The following GNAI1 variants were observed in gnomAD, a reference collection of about 807,000 sequenced individuals.
GNAI1 encodes the protein guanine nucleotide-binding protein G(i) subunit alpha-1.
GNAI1 carries 11 observed loss-of-function variants against 38.9 expected under a neutral mutation model. That is an observed-to-expected ratio of 0.28 (90% CI 0.18 to 0.47). The LOEUF (loss-of-function observed/expected upper bound fraction) is 0.47. Ranked by LOEUF, GNAI1 falls within the 20% of genes least tolerant of loss-of-function variation. The pLI is 0.99. For synonymous variants in GNAI1, 166 were observed against 145.1 expected (o/e 1.14, Z -1.04); for missense variants, 317 against 436.9 (o/e 0.73, Z 2.45).
intron 5 of GNAI1, among the ~76,000 whole-genome samples, chr7:80,204,912 T>TA (rs1788747632): frequency 4.0e-5 from 5 of 125,478 alleles, no homozygotes; most frequent in Non-Finnish European, 8.4e-5. Flanking sequence ...TACTTGATGT[T>TA]AAAAAAATAT....
chr7:80,209,961 A>C (rs1323711361), intron 5 of GNAI1, among the ~76,000 whole-genome samples: 1 of 152,208 alleles, frequency 6.6e-6, no homozygotes, highest in Non-Finnish European at 1.5e-5. Context: ...TTAAGTGATC[A>C]TAAAAGTAAC....
rs370483702 is a variant in GNAI1, at chr7:80,146,545, C to T, written c.118+11267C>T. Among the ~76,000 whole-genome samples the T allele has an allele frequency of 2.2e-4, 33 of 151,952 alleles. No homozygotes were observed. The South Asian group carries it at 6.7e-3, about 31-fold the overall frequency. ...GTGCTGACCTTATTTTTTTAGAGCT[C>T]GTTCTTTTTAAAGTTAAACTTTACT... On this transcript the variant is annotated intron_variant, in intron 1 of 7. Coordinates refer to ENST00000649796, the MANE Select transcript of GNAI1 (RefSeq NM_002069.6).
chr7:80,210,473 A>G (rs1042353764), intron 5 of GNAI1, among the ~76,000 whole-genome samples: 1 of 152,088 alleles, frequency 6.6e-6, no homozygotes, highest in African/African-American at 2.4e-5. Flanking sequence ...TCTTCTTTAC[A>G]TCAAAGCCTT....
intron 1 of GNAI1, among the ~76,000 whole-genome samples, chr7:80,179,382 A>G (rs1372070732): frequency 1.3e-5 from 2 of 152,142 alleles, no homozygotes; most frequent in Admixed American, 1.3e-4. Flanking sequence ...TTTCTAACCA[A>G]ATCCTCAGGT....
At position 80,223,991 on chromosome 7, in the gene GNAI1, G is replaced by A. The variant is rs1274951511; in HGVS notation, c.*6498G>A. 6.6e-6 allele frequency among the ~76,000 whole-genome samples: 1 copy of A among 152,104 alleles called. No homozygotes were observed. The highest frequency in any genetic ancestry group is 2.4e-5 in the African/African-American group (1 of 41,418). ...GGCATAAGGAAAGCCAGTAAAAAGT[G>A]CCCTTTCTTCTTTCTGAGAGCCCCA... On this transcript the variant is annotated 3_prime_UTR_variant, in exon 8 of 8. Coordinates refer to ENST00000649796, the MANE Select transcript of GNAI1 (RefSeq NM_002069.6).
chr7:80,176,829 C>T (rs982162850), intron 1 of GNAI1, among the ~76,000 whole-genome samples: 5 of 148,836 alleles, frequency 3.4e-5, no homozygotes, highest in African/African-American at 1.2e-4. Context: ...CCCAGCTACT[C>T]GGGAGGCTGA....
chr7:80,163,602 T>G (rs532980419), intron 1 of GNAI1, among the ~76,000 whole-genome samples: 1 of 152,340 alleles, frequency 6.6e-6, no homozygotes, highest in African/African-American at 2.4e-5. Flanking sequence ...TGAAGATAGT[T>G]TTAGCCCATT....
intron 1 of GNAI1, among the ~76,000 whole-genome samples, chr7:80,141,000 A>C (rs1235145716): frequency 6.6e-6 from 1 of 152,154 alleles, no homozygotes; most frequent in Non-Finnish European, 1.5e-5. Flanking sequence ...CTCATGTGGC[A>C]TCACTCTCCT....
chr7:80,206,726 A>AC (rs1218743479), intron 5 of GNAI1, among the ~76,000 whole-genome samples: 2 of 151,816 alleles, frequency 1.3e-5, no homozygotes, highest in African/African-American at 2.4e-5. Context: ...ACGTTCCAAG[A>AC]CCCCCCATAT....
At chr7:80,148,093 G>C (rs1787659655) in intron 1 of GNAI1, among the ~76,000 whole-genome samples, 1 of 152,042 alleles carries the variant, frequency 6.6e-6, no homozygotes, top group Non-Finnish European at 1.5e-5. Context: ...TGTCTTGATA[G>C]GCCTTTGTAG....
intron 1 of GNAI1, among the ~76,000 whole-genome samples, chr7:80,164,742 A>G (rs1787984630): frequency 6.6e-6 from 1 of 152,136 alleles, no homozygotes; most frequent in Non-Finnish European, 1.5e-5. Context: ...GCATTTATCC[A>G]TCTCTGCTCT....
intron 7 of GNAI1, 76 bp from the exon 8 acceptor site, chr7:80,217,227 T>TATGAAACTGACTTCAGTTTCATAGGG: frequency 2.1e-6 from 2 of 966,654 alleles, no homozygotes; most frequent in Non-Finnish European, 3.1e-6. Context: ...GTTTCATATG[T>TATGAAACTGACTTCAGTTTCATAGGG]ATGAAACTGA....
chr7:80,211,313 A>G (rs1266282455), intron 6 of GNAI1, among the ~76,000 whole-genome samples: 1 of 152,250 alleles, frequency 6.6e-6, no homozygotes, highest in Non-Finnish European at 1.5e-5. Context: ...TGTAAGCTTA[A>G]CTATGCATTT....
At chr7:80,135,316 G>A (rs1177829232) in intron 1 of GNAI1, 38 bp downstream of exon 1, 7 of 1,228,858 alleles carry the variant, frequency 5.7e-6, no homozygotes, top group Admixed American at 3.4e-5. Flanking sequence ...GGTCGGCGGG[G>A]GACCGGGTGC....
intron 3 of GNAI1, among the ~76,000 whole-genome samples, chr7:80,198,385 G>T (rs1458124121): frequency 6.6e-6 from 1 of 152,086 alleles, no homozygotes; most frequent in South Asian, 2.1e-4. Flanking sequence ...TATTTAGATT[G>T]TATTAGTGTT....
Position 80,203,716 on chromosome 7 carries a change from C to T in GNAI1, c.474C>T (p.Asp158=). 2.5e-6 allele frequency: 4 copies of T among 1,583,880 alleles called. No individual in the cohort carries two copies. Among genetic ancestry groups the T allele is most frequent in the East Asian group, 4.5e-5 (2 of 43,990 alleles). Reference sequence around the variant, plus strand: ...TAATTTTTTTCAGCTATTTGAATGACTTGGACAGAATAGCTCAACCAAATT... The same window carrying T: ...TAATTTTTTTCAGCTATTTGAATGATTTGGACAGAATAGCTCAACCAAATT... ...LNDSAAYYLN[D]LDRIAQPNYI... is the part of the protein sequence containing the mutation. Residue 158 remains aspartate, a synonymous_variant, in exon 5 of 8, where the codon GAC becomes GAT. Transcript: ENST00000649796.
At chr7:80,176,948 A>G (rs1415891643) in intron 1 of GNAI1, among the ~76,000 whole-genome samples, 2 of 151,156 alleles carry the variant, frequency 1.3e-5, no homozygotes, top group Non-Finnish European at 3.0e-5. Context: ...AAAAAAAAAA[A>G]AAAAAAAAAA....
chr7:80,153,163 T>C (rs1787757791), intron 1 of GNAI1, among the ~76,000 whole-genome samples: 1 of 152,152 alleles, frequency 6.6e-6, no homozygotes, highest in African/African-American at 2.4e-5. Context: ...AGCCCCTGCA[T>C]GATAGTGGTG....
intron 1 of GNAI1, among the ~76,000 whole-genome samples, chr7:80,185,617 G>C (rs1488162994): frequency 6.6e-6 from 1 of 152,228 alleles, no homozygotes; most frequent in East Asian, 1.9e-4. Context: ...CTCTATCTCT[G>C]TTCGGTGGCC....
Sources: gnomAD v4.1 joint callset for allele counts (sites outside exome capture counted in the v4.1 genomes callset) on GRCh38, gnomAD v4.1.1 for gene constraint, MANE v1.5 for transcripts, NCBI Gene and HGNC (gene_info 2026-07-23, HGNC 2026-07-21) for gene names.